EYS: variants seen among roughly 807,000 people sequenced by gnomAD.
The protein encoded by EYS is protein eyes shut homolog.
EYS carries 250 observed loss-of-function variants against 282.1 expected under a neutral mutation model. The observed-to-expected ratio is 0.89, with a 90% confidence interval of 0.80 to 0.98. EYS has a LOEUF of 0.98. Among genes scored for constraint, EYS ranks in the 50% least tolerant of loss-of-function variants. The probability of loss-of-function intolerance (pLI) is 0.00; values close to 1 mark genes in which losing one functional copy is unlikely to be tolerated. For missense variants in EYS, 4,016 were observed against 3,709.0 expected (o/e 1.08, Z -2.15); for synonymous variants, 1,355 against 1,282.9 (o/e 1.06, Z -1.20).
chr6:65,279,442 A>G (rs1347505739), intron 12 of EYS, among the ~76,000 whole-genome samples: 3 of 152,172 alleles, frequency 2.0e-5, no homozygotes, highest in African/African-American at 7.2e-5. Context: ...GTAGCAAGTG[A>G]TAACATTAGG....
At chr6:65,572,968 T>A (rs2127354009) in intron 2 of EYS, among the ~76,000 whole-genome samples, 1 of 152,264 alleles carries the variant, frequency 6.6e-6, no homozygotes, top group Non-Finnish European at 1.5e-5. Flanking sequence ...AATTGATGAT[T>A]TACTTCAATG....
chr6:64,104,571 A>C (rs1772941470), intron 31 of EYS, among the ~76,000 whole-genome samples: 1 of 152,102 alleles, frequency 6.6e-6, no homozygotes, highest in African/African-American at 2.4e-5. Context: ...TAATGATAGT[A>C]GTTTACTTTG....
At chr6:65,247,962 C>T (rs1473691867) in intron 12 of EYS, among the ~76,000 whole-genome samples, 1 of 151,902 alleles carries the variant, frequency 6.6e-6, no homozygotes, top group Non-Finnish European at 1.5e-5. Context: ...CTTTATAAAA[C>T]CTGTATAATA....
intron 28 of EYS, among the ~76,000 whole-genome samples, chr6:64,432,049 T>C (rs370545679): frequency 2.4e-4 from 37 of 152,138 alleles, no homozygotes; most frequent in African/African-American, 8.2e-4. Flanking sequence ...CCAATGCATG[T>C]GGATGACTGT....
intron 2 of EYS, among the ~76,000 whole-genome samples, chr6:65,626,700 G>A (rs991454841): frequency 4.6e-5 from 7 of 152,104 alleles, no homozygotes; most frequent in African/African-American, 1.7e-4. Flanking sequence ...GAGGTCAAAA[G>A]TGAGGAATGA....
intron 35 of EYS, among the ~76,000 whole-genome samples, chr6:63,974,807 A>T (rs1257734328): frequency 2.0e-5 from 3 of 151,998 alleles, no homozygotes; most frequent in Non-Finnish European, 4.4e-5. Context: ...TATTTGCCGA[A>T]GATCTATCAA....
chr6:63,970,504 G>A (rs541150430), intron 35 of EYS, among the ~76,000 whole-genome samples: 52 of 152,188 alleles, frequency 3.4e-4, no homozygotes, highest in African/African-American at 1.0e-3. Context: ...GCCTGGTGGC[G>A]GGTGCCTGTA....
chr6:63,845,176 T>A (rs1772066090), intron 36 of EYS, among the ~76,000 whole-genome samples: 1 of 152,196 alleles, frequency 6.6e-6, no homozygotes, highest in Admixed American at 6.6e-5. Context: ...TTCCCTATTG[T>A]AAACCTAAAG....
intron 2 of EYS, among the ~76,000 whole-genome samples, chr6:65,500,419 G>A (rs959182038): frequency 1.3e-5 from 2 of 151,992 alleles, no homozygotes; most frequent in Non-Finnish European, 2.9e-5. Context: ...TATGAAGTGA[G>A]TTTTCTATAT....
At chr6:63,749,508 C>A (rs1047577392) in intron 41 of EYS, among the ~76,000 whole-genome samples, 2 of 152,126 alleles carry the variant, frequency 1.3e-5, no homozygotes, top group African/African-American at 4.8e-5. Context: ...TATGTTTGAT[C>A]CAGTACTGAG....
intron 5 of EYS, among the ~76,000 whole-genome samples, chr6:65,415,565 G>A (rs1450823106): frequency 6.6e-6 from 1 of 151,988 alleles, no homozygotes; most frequent in Non-Finnish European, 1.5e-5. Flanking sequence ...AAGGTAGAGT[G>A]ACACATGGAA....
At chr6:64,508,336 A>G (rs538313855) in intron 26 of EYS, among the ~76,000 whole-genome samples, 1 of 152,144 alleles carries the variant, frequency 6.6e-6, no homozygotes, top group Non-Finnish European at 1.5e-5. Context: ...AAATAAAGCC[A>G]TGCAGAGTAA....
intron 28 of EYS, among the ~76,000 whole-genome samples, chr6:64,393,964 C>T (rs1256415204): frequency 6.6e-6 from 1 of 151,990 alleles, no homozygotes; most frequent in Non-Finnish European, 1.5e-5. Context: ...GTACAAAAAT[C>T]ACAAGCATTC....
intron 2 of EYS, among the ~76,000 whole-genome samples, chr6:65,617,709 C>G (rs1444023901): frequency 3.1e-5 from 4 of 130,854 alleles, no homozygotes; most frequent in African/African-American, 1.1e-4. Context: ...CCCCTCCCCC[C>G]ACCCCACCAC....
Position 64,085,817 on chromosome 6 carries a change from A to G in EYS, c.6425-3815T>C, listed in dbSNP as rs114063909. On this transcript the variant is annotated intron_variant, in intron 31 of 42. Coordinates refer to ENST00000503581, the MANE Select transcript of EYS (RefSeq NM_001142800.2). ...ACCGTTTGTTGGCCTTCTACACACA[A>G]TCTTTTACTCTTAGAAATTTACCTA... Among the ~76,000 whole-genome samples the G allele has an allele frequency of 4.7e-3, 722 of 152,284 alleles. 7 individuals are homozygous for G. Among genetic ancestry groups the G allele is most frequent in the African/African-American group, 0.017 (692 of 41,560 alleles).
chr6:65,674,967 G>C (rs1768526394), intron 1 of EYS, among the ~76,000 whole-genome samples: 1 of 151,830 alleles, frequency 6.6e-6, no homozygotes. Context: ...GTAACAGAAA[G>C]TGTATGTGTG....
intron 29 of EYS, among the ~76,000 whole-genome samples, chr6:64,315,285 A>T (rs2150380840): frequency 6.6e-6 from 1 of 152,308 alleles, no homozygotes; most frequent in Non-Finnish European, 1.5e-5. Context: ...ATAGCCTACC[A>T]ACCAAAAACG....
intron 12 of EYS, among the ~76,000 whole-genome samples, chr6:65,217,589 A>T (rs1766348085): frequency 6.6e-6 from 1 of 152,036 alleles, no homozygotes; most frequent in African/African-American, 2.4e-5. Context: ...TCCTTTAATT[A>T]GGGTAATCAC....
chr6:64,180,906 C>G (rs960581850), intron 31 of EYS, among the ~76,000 whole-genome samples: 5 of 151,982 alleles, frequency 3.3e-5, no homozygotes, highest in Non-Finnish European at 2.9e-5. Context: ...TCCCATTGCC[C>G]AGGTAGAGAG....
Sources: allele counts gnomAD v4.1 joint callset (sites outside exome capture counted in the v4.1 genomes callset), GRCh38; gene constraint gnomAD v4.1.1; transcripts MANE v1.5; gene names NCBI Gene and HGNC (gene_info 2026-07-23, HGNC 2026-07-21).